PRKG1: variants seen among roughly 807,000 people sequenced by gnomAD.
PRKG1 encodes the protein cGMP-dependent protein kinase 1.
Under a neutral mutation model 88.1 loss-of-function variants are expected in PRKG1, and 35 were observed. The ratio of observed to expected loss-of-function variants is 0.40; its 90% CI spans 0.30 to 0.53. The LOEUF (loss-of-function observed/expected upper bound fraction) is 0.53. Among genes scored for constraint, PRKG1 ranks in the 20% least tolerant of loss-of-function variants. PRKG1 has a pLI of 0.59. For missense variants in PRKG1, 540 were observed against 839.8 expected (o/e 0.64, Z 4.41); for synonymous variants, 303 against 292.5 (o/e 1.04, Z -0.37).
At chr10:51,476,028 T>G (rs1457846031) in intron 3 of PRKG1, among the ~76,000 whole-genome samples, 2 of 152,062 alleles carry the variant, frequency 1.3e-5, no homozygotes, top group Non-Finnish European at 2.9e-5. Context: ...TTCAACCTTT[T>G]GTACTCATAG....
At chr10:51,272,074 T>C (rs904998207) in intron 2 of PRKG1, among the ~76,000 whole-genome samples, 19 of 152,256 alleles carry the variant, frequency 1.2e-4, no homozygotes, top group Admixed American at 9.2e-4. Flanking sequence ...TCTTCTCCAG[T>C]ATCTGTTGTT....
intron 4 of PRKG1, among the ~76,000 whole-genome samples, chr10:51,894,844 C>A (rs957214631): frequency 4.6e-5 from 7 of 152,142 alleles, no homozygotes; most frequent in Non-Finnish European, 8.8e-5. Context: ...TAAATGTATT[C>A]TCTTCTATTA....
chr10:51,739,343 C>T (rs184281074), intron 3 of PRKG1, among the ~76,000 whole-genome samples: 114 of 152,234 alleles, frequency 7.5e-4, no homozygotes, highest in Admixed American at 2.2e-3. Context: ...TAATGTCAAA[C>T]CTAACAGTAT....
At chr10:51,882,780 C>A (rs2132883261) in intron 4 of PRKG1, among the ~76,000 whole-genome samples, 1 of 152,260 alleles carries the variant, frequency 6.6e-6, no homozygotes, top group East Asian at 1.9e-4. Flanking sequence ...ATCCTTCATG[C>A]CAATAGACTT....
At chr10:51,611,417 T>C (rs1376392420) in intron 3 of PRKG1, among the ~76,000 whole-genome samples, 1 of 152,144 alleles carries the variant, frequency 6.6e-6, no homozygotes, top group Admixed American at 6.5e-5. Flanking sequence ...GCCATTTGTA[T>C]GTCTTCTTTT....
chr10:52,006,569 C>T (rs546916635), intron 5 of PRKG1, among the ~76,000 whole-genome samples: 1 of 151,950 alleles, frequency 6.6e-6, no homozygotes, highest in African/African-American at 2.4e-5. Context: ...CTCAGTCAGA[C>T]CAAAATGAAG....
chr10:51,908,370 G>A (rs1842131211), intron 5 of PRKG1: 1 of 152,234 alleles, frequency 6.6e-6, no homozygotes, highest in Admixed American at 6.5e-5. Flanking sequence ...TGTCATACAG[G>A]AATAGTGTAT....
At chr10:52,067,663 C>G (rs1401875144) in intron 7 of PRKG1, among the ~76,000 whole-genome samples, 1 of 151,824 alleles carries the variant, frequency 6.6e-6, no homozygotes, top group African/African-American at 2.4e-5. Flanking sequence ...ATTTGAGTCT[C>G]TTTCACTTTA....
intron 1 of PRKG1, 76 bp from the exon 2 acceptor site, chr10:51,153,088 T>C (rs1050569011): frequency 1.5e-6 from 2 of 1,360,570 alleles, no homozygotes; most frequent in Non-Finnish European, 1.0e-6. Flanking sequence ...CAGAGCACTC[T>C]ATGGCGCTGC....
At chr10:52,047,795 T>G (rs1175339809) in intron 5 of PRKG1, among the ~76,000 whole-genome samples, 2 of 152,142 alleles carry the variant, frequency 1.3e-5, no homozygotes, top group Non-Finnish European at 2.9e-5. Flanking sequence ...TGACTGATTT[T>G]GGCCCCAAAA....
Position 52,290,257 on chromosome 10 carries a change from A to G in PRKG1, c.1929A>G (p.Arg643=), listed in dbSNP as rs1211745155. ...AGGGCTTTAACTGGGAAGGCTTAAG[A>G]AAAGGTACCTTGACACCTCCTATAA... ...WFEGFNWEGL[R]KGTLTPPIIP... Residue 643 remains arginine (R), a synonymous_variant, in exon 17 of 18, where the codon AGA becomes AGG. Coordinates refer to ENST00000373980, the MANE Select transcript of PRKG1 (RefSeq NM_006258.4). 10 of 1,613,000 alleles carry G rather than the reference A, an allele frequency of 6.2e-6. No individual in the cohort carries two copies. The highest frequency in any genetic ancestry group is 1.3e-5 in the African/African-American group (1 of 74,968).
chr10:51,234,551 T>A (rs113138720), intron 2 of PRKG1, among the ~76,000 whole-genome samples: 34 of 152,210 alleles, frequency 2.2e-4, no homozygotes, highest in African/African-American at 7.5e-4. Context: ...AAACAGGATT[T>A]ATCTCTGCTT....
chr10:52,199,656 G>A (rs1839607306), intron 9 of PRKG1, among the ~76,000 whole-genome samples: 1 of 152,072 alleles, frequency 6.6e-6, no homozygotes, highest in South Asian at 2.1e-4. Flanking sequence ...GGAACTTCTC[G>A]AATTTCCCAA....
At chr10:51,025,180 A>G (rs909980606) in intron 1 of PRKG1, among the ~76,000 whole-genome samples, 4 of 152,180 alleles carry the variant, frequency 2.6e-5, no homozygotes, top group Non-Finnish European at 5.9e-5. Flanking sequence ...CAATCACAAT[A>G]ACAGCCTCAT....
At chr10:51,839,108 C>T (rs1015293098) in intron 4 of PRKG1, among the ~76,000 whole-genome samples, 1 of 152,072 alleles carries the variant, frequency 6.6e-6, no homozygotes, top group Non-Finnish European at 1.5e-5. Flanking sequence ...TTCAGGACTG[C>T]CCCCTTAGAC....
chr10:52,231,933 G>A (rs570489123), intron 9 of PRKG1, among the ~76,000 whole-genome samples: 20 of 152,228 alleles, frequency 1.3e-4, no homozygotes, highest in Admixed American at 9.8e-4. Flanking sequence ...CAAAATTTAG[G>A]GGGAAAAAAG....
chr10:51,668,766 A>G (rs1211767564), intron 3 of PRKG1, among the ~76,000 whole-genome samples: 1 of 152,210 alleles, frequency 6.6e-6, no homozygotes, highest in Admixed American at 6.5e-5. Flanking sequence ...TGCAAAAAGA[A>G]TTACAAAGCC....
intron 3 of PRKG1, among the ~76,000 whole-genome samples, chr10:51,633,560 G>A (rs572472074): frequency 1.4e-3 from 218 of 152,256 alleles, no homozygotes; most frequent in African/African-American, 5.0e-3. Context: ...ATAAAAAAGT[G>A]AAGGCATAAA....
intron 3 of PRKG1, among the ~76,000 whole-genome samples, chr10:51,711,305 C>T (rs1247802990): frequency 6.6e-6 from 1 of 151,754 alleles, no homozygotes; most frequent in Non-Finnish European, 1.5e-5. Context: ...CAGGGTTCAT[C>T]GTGTTAGCCA....
Sources: gnomAD v4.1 joint callset for allele counts (sites outside exome capture counted in the v4.1 genomes callset) on GRCh38, gnomAD v4.1.1 for gene constraint, MANE v1.5 for transcripts, NCBI Gene and HGNC (gene_info 2026-07-23, HGNC 2026-07-21) for gene names.